TBCK: variants seen among roughly 807,000 people sequenced by gnomAD.
TBCK encodes TBC1 domain containing kinase.
Under a neutral mutation model 113.4 loss-of-function variants are expected in TBCK, and 99 were observed. The ratio of observed to expected loss-of-function variants is 0.87; its 90% CI spans 0.74 to 1.03. The LOEUF is 1.03. TBCK is among the 50% of genes least tolerant of loss of function. The pLI is 0.00. For missense variants in TBCK, 1,045 were observed against 1,061.3 expected (o/e 0.98, Z 0.21); for synonymous variants, 369 against 370.8 (o/e 1.00, Z 0.05).
At chr4:106,273,373 T>C (rs1223750473) in intron 3 of TBCK, among the ~76,000 whole-genome samples, 1 of 152,196 alleles carries the variant, frequency 6.6e-6, no homozygotes, top group Admixed American at 6.6e-5. Flanking sequence ...ATGAACTTTG[T>C]TTATAGGGGC....
intron 25 of TBCK, among the ~76,000 whole-genome samples, chr4:106,070,130 A>C (rs1430981607): frequency 6.6e-6 from 1 of 152,058 alleles, no homozygotes; most frequent in Non-Finnish European, 1.5e-5. Context: ...AATACCCTTT[A>C]TTTCTTTCTC....
chr4:106,124,444 G>A (rs1173367651), intron 23 of TBCK, among the ~76,000 whole-genome samples: 6 of 152,146 alleles, frequency 3.9e-5, no homozygotes, highest in African/African-American at 1.2e-4. Context: ...TCAGTGTGGC[G>A]ATTCCTCAGG....
intron 23 of TBCK, among the ~76,000 whole-genome samples, chr4:106,141,052 G>A (rs1747101263): frequency 7.1e-6 from 1 of 140,056 alleles, no homozygotes; most frequent in Non-Finnish European, 1.6e-5. Context: ...ATACTTTTAT[G>A]ACATAATAAA....
intron 19 of TBCK, among the ~76,000 whole-genome samples, chr4:106,217,428 G>A (rs1006623180): frequency 2.0e-5 from 3 of 152,166 alleles, no homozygotes; most frequent in Non-Finnish European, 4.4e-5. Flanking sequence ...AAGTCAAATT[G>A]TCCCTGTTTG....
intron 25 of TBCK, among the ~76,000 whole-genome samples, chr4:106,071,842 T>G (rs538685733): frequency 7.9e-5 from 12 of 152,320 alleles, no homozygotes; most frequent in South Asian, 2.1e-4. Context: ...ATCCCTTTAC[T>G]ATTATGTAAT....
chr4:106,286,210 A>G (rs961722061), intron 3 of TBCK, among the ~76,000 whole-genome samples: 7 of 152,358 alleles, frequency 4.6e-5, no homozygotes, highest in African/African-American at 1.7e-4. Context: ...TAAGGCTACT[A>G]TATGTTCTAT....
At chr4:106,078,762 G>C (rs1406893856) in intron 25 of TBCK, among the ~76,000 whole-genome samples, 3 of 151,216 alleles carry the variant, frequency 2.0e-5, no homozygotes, top group Non-Finnish European at 4.4e-5. Context: ...AAATCAAGGA[G>C]AGGAGATTCT....
chr4:106,085,100 T>C (rs920597702), intron 25 of TBCK, among the ~76,000 whole-genome samples: 16 of 152,144 alleles, frequency 1.1e-4, no homozygotes, highest in Admixed American at 3.9e-4. Flanking sequence ...ATAACAATAC[T>C]ACCCTTAAAT....
At chr4:106,291,406 A>G (rs1226968648) in intron 3 of TBCK, among the ~76,000 whole-genome samples, 4 of 152,228 alleles carry the variant, frequency 2.6e-5, no homozygotes, top group African/African-American at 9.6e-5. Context: ...CATTTAAAAG[A>G]AAATACCAAC....
chr4:106,286,448 T>A (rs901438834), intron 3 of TBCK, among the ~76,000 whole-genome samples: 11 of 152,190 alleles, frequency 7.2e-5, no homozygotes, highest in Admixed American at 2.6e-4. Flanking sequence ...GCAAAACTTT[T>A]CATGAGCTAA....
chr4:106,212,751 T>A lies in TBCK; in HGVS notation c.1859A>T (p.Asp620Val). ...NHLNEIGFIP[D>V]LYAIPWFLTM... Reference sequence around the variant, plus strand: ...TCTATTAATGCACCAAGTACTTACATCTGGAATGAAACCAATCTCATTGAG... The same window carrying A: ...TCTATTAATGCACCAAGTACTTACAACTGGAATGAAACCAATCTCATTGAG... Residue 620 changes from aspartate (D) to valine (V), a missense_variant and splice_region_variant, in exon 20 of 26, where the codon GAT (aspartate) becomes GTT (valine). Physicochemically the swap from Asp to Val is radical, Grantham distance 152. Coordinates refer to ENST00000394708, the MANE Select transcript of TBCK (RefSeq NM_001163435.3). 1 of 1,600,626 alleles carries A rather than the reference T, an allele frequency of 6.2e-7. No homozygotes were observed. Among genetic ancestry groups the A allele is most frequent in the Non-Finnish European group, 8.5e-7 (1 of 1,169,744 alleles).
intron 19 of TBCK, among the ~76,000 whole-genome samples, chr4:106,225,736 C>T (rs1189317669): frequency 1.3e-5 from 2 of 152,142 alleles, no homozygotes; most frequent in South Asian, 2.1e-4. Flanking sequence ...GGATTACAGG[C>T]GTGAGCCACT....
At chr4:106,155,658 C>T (rs1261731714) in intron 23 of TBCK, among the ~76,000 whole-genome samples, 1 of 152,104 alleles carries the variant, frequency 6.6e-6, no homozygotes, top group East Asian at 1.9e-4. Context: ...TTGATACATT[C>T]TATTAGAGGA....
intron 25 of TBCK, among the ~76,000 whole-genome samples, chr4:106,090,558 A>T (rs551695505): frequency 6.6e-6 from 1 of 152,302 alleles, no homozygotes; most frequent in East Asian, 1.9e-4. Flanking sequence ...CTGGGCTACA[A>T]GTTTTCCAAA....
At chr4:106,191,947 A>G (rs1419827666) in intron 22 of TBCK, among the ~76,000 whole-genome samples, 1 of 152,282 alleles carries the variant, frequency 6.6e-6, no homozygotes, top group East Asian at 1.9e-4. Flanking sequence ...AAGCAAGATA[A>G]CATCTCTTGA....
chr4:106,200,886 T>C lies in TBCK; in HGVS notation c.1861-6132A>G, dbSNP rs947159682. Among the ~76,000 whole-genome samples, 4 of 152,250 alleles carry C rather than the reference T, an allele frequency of 2.6e-5. 1 individual carries two copies. The highest frequency in any genetic ancestry group is 5.9e-5 in the Non-Finnish European group (4 of 67,988). On this transcript the variant is annotated intron_variant, in intron 20 of 25. Transcript: ENST00000394708. ...AGATCCAAATAGTCATGAGATTATA[T>C]ATTTTCTTAAGAAGTTTTCAACAAA... is the stretch of plus-strand genomic sequence containing the variant.
chr4:106,137,803 T>C (rs1746736702), intron 23 of TBCK, among the ~76,000 whole-genome samples: 1 of 140,220 alleles, frequency 7.1e-6, no homozygotes, highest in Non-Finnish European at 1.6e-5. Context: ...TTTTCAGTGA[T>C]TAGAGACTTT....
intron 20 of TBCK, among the ~76,000 whole-genome samples, chr4:106,196,539 A>T (rs1754259439): frequency 6.6e-6 from 1 of 151,996 alleles, no homozygotes; most frequent in South Asian, 2.1e-4. Context: ...ACAGTCAAGA[A>T]CTTTATAAGT....
At chr4:106,316,534 G>A (rs1188102167), upstream of TBCK, 2 of 1,551,484 alleles carry the variant, frequency 1.3e-6, no homozygotes, top group African/African-American at 1.4e-5. Flanking sequence ...TAGTACGCGG[G>A]TGGCTGGACC....
Sources: allele counts gnomAD v4.1 joint callset (sites outside exome capture counted in the v4.1 genomes callset), GRCh38; gene constraint gnomAD v4.1.1; transcripts MANE v1.5; gene names NCBI Gene and HGNC (gene_info 2026-07-23, HGNC 2026-07-21).